ARHGEF12: variants seen among roughly 807,000 people sequenced by gnomAD.
The protein encoded by ARHGEF12 is Rho guanine nucleotide exchange factor 12.
ARHGEF12 carries 66 observed loss-of-function variants against 211.2 expected under a neutral mutation model. The observed-to-expected ratio is 0.31, with a 90% confidence interval of 0.26 to 0.38. The LOEUF (loss-of-function observed/expected upper bound fraction) is 0.38, where lower values mean the gene tolerates loss of function less well. Among genes scored for constraint, ARHGEF12 ranks in the 10% least tolerant of loss-of-function variants. The pLI is 1.00. For missense variants in ARHGEF12, 1,429 were observed against 1,869.5 expected (o/e 0.76, Z 4.34); for synonymous variants, 592 against 638.4 (o/e 0.93, Z 1.09).
intron 1 of ARHGEF12, among the ~76,000 whole-genome samples, chr11:120,340,443 A>G (rs549567760): frequency 6.6e-6 from 1 of 152,342 alleles, no homozygotes; most frequent in Admixed American, 6.5e-5. Flanking sequence ...GGTTTTTGAT[A>G]CAATTTTTTT....
rs138816246 is a variant in ARHGEF12, at chr11:120,457,332, T to A, written c.2189+82T>A. The A allele has an allele frequency of 7.8e-5, 117 of 1,492,002 alleles. No individual in the cohort carries two copies. The East Asian group carries it at 2.7e-3, about 35-fold the overall frequency. 92.4% of individuals were successfully genotyped at this position (1,492,002 alleles called of 1,614,324 possible). On this transcript the variant is annotated intron_variant, in intron 23 of 40. Coordinates refer to ENST00000397843, the MANE Select transcript of ARHGEF12 (RefSeq NM_015313.3). ...ATGCTATTCCTATACTTAGTAGCAT[T>A]CTAGCACTGAAGCCTGGCATGGTGG...
At chr11:120,369,957 T>C (rs1943545337) in intron 1 of ARHGEF12, among the ~76,000 whole-genome samples, 1 of 152,214 alleles carries the variant, frequency 6.6e-6, no homozygotes. Context: ...AACATCATAG[T>C]AAACTTGGTG....
At position 120,481,265 on chromosome 11, in the gene ARHGEF12, T is replaced by C; in HGVS notation, c.4243T>C (p.Tyr1415His). The C allele has an allele frequency of 6.2e-7, 1 of 1,613,888 alleles. No homozygotes were observed. Among genetic ancestry groups the C allele is most frequent in the Non-Finnish European group, 8.5e-7 (1 of 1,179,760 alleles). Residue 1415 changes from tyrosine (Y) to histidine (H), a missense_variant, in exon 39 of 41, where the codon TAT becomes CAT. Around this residue, in one of 7 missense-constraint regions of ARHGEF12, gnomAD observed 467 missense variants for 468.4 expected, o/e 1.00. Coordinates refer to ENST00000397843, the MANE Select transcript of ARHGEF12 (RefSeq NM_015313.3). The part of the protein sequence containing the change: ...KDVNLRISGN[Y>H]LILDGYDPVQ... Reference sequence around the variant, plus strand: ...TATTCTGTCTCTATCCATAGGAAACTATTTGATCCTTGATGGCTATGACCC... The same window carrying C: ...TATTCTGTCTCTATCCATAGGAAACCATTTGATCCTTGATGGCTATGACCC...
At chr11:120,411,019 A>T (rs1001671262) in intron 4 of ARHGEF12, 1 of 152,136 alleles carries the variant, frequency 6.6e-6, no homozygotes, top group Non-Finnish European at 1.5e-5. Context: ...TATGCTTTGG[A>T]TGAAGACTAA....
At chr11:120,345,781 G>C (rs974742095) in intron 1 of ARHGEF12, among the ~76,000 whole-genome samples, 1 of 150,804 alleles carries the variant, frequency 6.6e-6, no homozygotes, top group South Asian at 2.1e-4. Context: ...AGCCTTGGAC[G>C]TTAAAAAAAT....
Position 120,367,353 on chromosome 11 carries a change from C to CTTTTTTTTTTT in ARHGEF12, c.32+30098_32+30108dup. Among the ~76,000 whole-genome samples the CTTTTTTTTTTT allele has an allele frequency of 7.5e-3, 444 of 59,342 alleles. 93 individuals carry two copies. Among genetic ancestry groups the CTTTTTTTTTTT allele is most frequent in the South Asian group, 0.016 (18 of 1,096 alleles). The allele number at this position is 59,342 out of a possible 152,430, so 38.9% of individuals were successfully genotyped here. A position where few individuals can be genotyped will look rare whatever the true frequency, so the allele number is the denominator to read the frequency against. ...AAAAAATCTGTTAGGATACTTTTTC[C>CTTTTTTTTTTT]TTTTTTTTTTTTTTTTTTTTTTTTT... On this transcript the variant is annotated intron_variant, in intron 1 of 40. Transcript: ENST00000397843.
intron 20 of ARHGEF12, 25 bp downstream of exon 20, chr11:120,448,373 A>G (rs566430759): frequency 1.9e-6 from 3 of 1,574,056 alleles, no homozygotes; most frequent in Admixed American, 1.7e-5. Context: ...ATGTAATAGC[A>G]TGTTCAGGCC....
chr11:120,388,353 G>A (rs187665886), intron 1 of ARHGEF12, among the ~76,000 whole-genome samples: 4 of 152,256 alleles, frequency 2.6e-5, no homozygotes, highest in Admixed American at 2.0e-4. Context: ...ATATACCACA[G>A]TTTATCCATT....
chr11:120,377,633 C>T (rs12270397), intron 1 of ARHGEF12, among the ~76,000 whole-genome samples: 32,129 of 152,066 alleles, frequency 0.21, 3,771 homozygotes, highest in African/African-American at 0.31. Flanking sequence ...CTATGCCCAG[C>T]CTTTCTTCTC....
At chr11:120,457,891 G>A in intron 24 of ARHGEF12, 135 bp downstream of exon 24, 1 of 1,162,944 alleles carries the variant, frequency 8.6e-7, no homozygotes, top group Non-Finnish European at 1.2e-6. Flanking sequence ...AAGCTCTTAA[G>A]AAACACTGGT....
intron 20 of ARHGEF12, chr11:120,448,849 C>T: frequency 2.6e-6 from 1 of 380,002 alleles, no homozygotes; most frequent in Non-Finnish European, 4.7e-6. Flanking sequence ...GAATAAGTTC[C>T]TGGTAAATGT....
chr11:120,341,054 C>T (rs1426225934), intron 1 of ARHGEF12, among the ~76,000 whole-genome samples: 5 of 152,086 alleles, frequency 3.3e-5, no homozygotes, highest in South Asian at 2.1e-4. Context: ...TATATACCAT[C>T]GAGTTAACAT....
intron 20 of ARHGEF12, 133 bp from the exon 21 acceptor site, chr11:120,448,976 T>C: frequency 1.5e-6 from 1 of 683,712 alleles, no homozygotes; most frequent in Non-Finnish European, 2.5e-6. Flanking sequence ...GTGCTCTGTG[T>C]GCATACACAC....
intron 1 of ARHGEF12, among the ~76,000 whole-genome samples, chr11:120,348,779 T>C (rs1942846006): frequency 6.6e-6 from 1 of 151,748 alleles, no homozygotes; most frequent in African/African-American, 2.4e-5. Context: ...AGGTGGAGGT[T>C]CAAGCGAGCC....
At chr11:120,339,902 T>C (rs1225094435) in intron 1 of ARHGEF12, among the ~76,000 whole-genome samples, 1 of 152,204 alleles carries the variant, frequency 6.6e-6, no homozygotes, top group Non-Finnish European at 1.5e-5. Context: ...CTCTTCTCTT[T>C]CCCTTCATCT....
chr11:120,343,641 C>T (rs1591477562), intron 1 of ARHGEF12, among the ~76,000 whole-genome samples: 2 of 152,164 alleles, frequency 1.3e-5, no homozygotes, highest in African/African-American at 4.8e-5. Context: ...ACATGACAGG[C>T]CTGGGTGGCT....
intron 1 of ARHGEF12, chr11:120,385,442 G>A (rs997081189): frequency 1.1e-5 from 11 of 985,354 alleles, no homozygotes; most frequent in Middle Eastern, 5.2e-4. Flanking sequence ...ATGGAAACGA[G>A]CCTTTTGAGC....
At chr11:120,386,244 G>T (rs142254397) in intron 1 of ARHGEF12, among the ~76,000 whole-genome samples, 1 of 152,218 alleles carries the variant, frequency 6.6e-6, no homozygotes, top group African/African-American at 2.4e-5. Context: ...CAGGAACCAA[G>T]GGATGAATGT....
chr11:120,417,953 C>T (rs1945079750), intron 4 of ARHGEF12, among the ~76,000 whole-genome samples: 1 of 152,160 alleles, frequency 6.6e-6, no homozygotes, highest in Admixed American at 6.5e-5. Context: ...GTGTTATCAC[C>T]TGACCTCATT....
Sources: allele counts gnomAD v4.1 joint callset (sites outside exome capture counted in the v4.1 genomes callset), GRCh38; gene constraint gnomAD v4.1.1; regional missense constraint gnomAD v4.1.1; transcripts MANE v1.5; gene names NCBI Gene and HGNC (gene_info 2026-07-23, HGNC 2026-07-21).